The following TESC variants were observed in gnomAD, a reference collection of about 807,000 sequenced individuals.
The protein encoded by TESC is calcineurin B homologous protein 3.
In TESC, 19 loss-of-function variants were observed where a neutral mutation model predicts 31.0. The observed-to-expected ratio is 0.61, with a 90% CI of 0.43 to 0.90. TESC has a LOEUF of 0.90. Among genes scored for constraint, TESC ranks in the 40% least tolerant of loss-of-function variants. The pLI, the probability that TESC is intolerant of heterozygous loss-of-function variation, is 0.00. For missense variants in TESC, 248 were observed against 303.8 expected (o/e 0.82, Z 1.36); for synonymous variants, 109 against 114.8 (o/e 0.95, Z 0.32).
intron 1 of TESC, among the ~76,000 whole-genome samples, chr12:117,086,557 C>G (rs1167099622): frequency 1.3e-5 from 2 of 151,948 alleles, no homozygotes; most frequent in South Asian, 4.2e-4. Flanking sequence ...CTCAGCCTCC[C>G]GAGTAGCTGG....
chr12:117,065,986 C>T (rs1393257506), intron 2 of TESC, among the ~76,000 whole-genome samples: 1 of 152,106 alleles, frequency 6.6e-6, no homozygotes, highest in Non-Finnish European at 1.5e-5. Context: ...GGCAAACCCT[C>T]TGTGATCTGC....
Position 117,041,623 on chromosome 12 carries a change from G to A in TESC, c.567+324C>T, listed in dbSNP as rs139680811. ...GCTGGGATTACAGGCATGAGCCACCGCGCCCAGCCTACAACGGGGGTTACT... is the reference window on the plus strand; with the variant it reads ...GCTGGGATTACAGGCATGAGCCACCACGCCCAGCCTACAACGGGGGTTACT... On this transcript the variant is annotated intron_variant, in intron 7 of 7. Coordinates refer to ENST00000335209, the MANE Select transcript of TESC (RefSeq NM_017899.4). Among the ~76,000 whole-genome samples the A allele has an allele frequency of 3.5e-3, 527 of 152,312 alleles. 4 individuals carry two copies. Among genetic ancestry groups the A allele is most frequent in the Middle Eastern group, 6.8e-3 (2 of 294 alleles).
At chr12:117,059,980 A>T (rs1370842189) in intron 2 of TESC, among the ~76,000 whole-genome samples, 1 of 152,196 alleles carries the variant, frequency 6.6e-6, no homozygotes, top group African/African-American at 2.4e-5. Flanking sequence ...ATGGTGTACG[A>T]TGCCATTTAT....
chr12:117,075,367 A>C, intron 1 of TESC, 27 bp from the exon 2 acceptor site: 1 of 1,601,858 alleles, frequency 6.2e-7, no homozygotes, highest in Non-Finnish European at 8.5e-7. Context: ...AGAGAGAAAA[A>C]CAAGACAGAA....
At chr12:117,076,477 C>T (rs1266216442) in intron 1 of TESC, among the ~76,000 whole-genome samples, 2 of 152,340 alleles carry the variant, frequency 1.3e-5, no homozygotes, top group African/African-American at 2.4e-5. Context: ...CAGAGTCACA[C>T]TCTGTCGCCC....
At position 117,071,793 on chromosome 12, in the gene TESC, G is replaced by T. The variant is rs139732744; in HGVS notation, c.128+3478C>A. Among the ~76,000 whole-genome samples the T allele has an allele frequency of 1.4e-4, 21 of 152,242 alleles. No homozygotes were observed. In the East Asian group the frequency reaches 3.9e-3, roughly 28 times the overall value. On this transcript the variant is annotated intron_variant, in intron 2 of 7. Coordinates refer to ENST00000335209, the MANE Select transcript of TESC (RefSeq NM_017899.4). ...GAGGCCTGGGAGGTAGGAGTCCGGC[G>T]CCATCAGCACAGAGAGGCCGCGCCA...
chr12:117,092,235 G>A (rs868589526), intron 1 of TESC, among the ~76,000 whole-genome samples: 28 of 152,234 alleles, frequency 1.8e-4, no homozygotes, highest in Admixed American at 3.3e-4. Context: ...ACACAGCCTG[G>A]ATGAGACATC....
chr12:117,063,779 G>A (rs890162092), intron 2 of TESC, among the ~76,000 whole-genome samples: 2 of 152,104 alleles, frequency 1.3e-5, no homozygotes, highest in African/African-American at 4.8e-5. Flanking sequence ...AGCATGTGGT[G>A]TCCCCCACAG....
At position 117,056,809 on chromosome 12, in the gene TESC, T is replaced by A. The variant is rs777050049; in HGVS notation, c.206A>T (p.Asn69Ile). Residue 69 changes from asparagine (N) to isoleucine (I), a missense_variant, in exon 3 of 8, where the codon AAC becomes ATC. Coordinates refer to ENST00000335209, the MANE Select transcript of TESC (RefSeq NM_017899.4). ...TGGTTCAGGGGAAAACGCCCACCTG[T>A]TGTCGAAGAAGGCACGAACAATTTT... ...RSKIVRAFFD[N>I]RNLRKGPSGL... The A allele has an allele frequency of 1.2e-6, 2 of 1,614,138 alleles. No individual in the cohort carries two copies. The highest frequency in any genetic ancestry group is 1.7e-6 in the Non-Finnish European group (2 of 1,179,990).
chr12:117,075,233 T>C (rs759791488), intron 2 of TESC, 38 bp downstream of exon 2: 15 of 1,606,126 alleles, frequency 9.3e-6, no homozygotes, highest in Middle Eastern at 1.7e-4. Context: ...TGCAAGGGCA[T>C]GGCCCCACCC....
intron 2 of TESC, among the ~76,000 whole-genome samples, chr12:117,057,108 C>A (rs1954737224): frequency 6.6e-6 from 1 of 151,984 alleles, no homozygotes; most frequent in Admixed American, 6.6e-5. Flanking sequence ...GCTCAAGATA[C>A]TTTTCTTTTT....
intron 6 of TESC, among the ~76,000 whole-genome samples, chr12:117,044,425 C>G (rs779159604): frequency 2.0e-5 from 3 of 152,200 alleles, no homozygotes; most frequent in Non-Finnish European, 4.4e-5. Flanking sequence ...GGTTCCCAGG[C>G]TGGCCAAGGG....
chr12:117,092,356 G>A (rs1026948560), intron 1 of TESC, among the ~76,000 whole-genome samples: 2 of 152,216 alleles, frequency 1.3e-5, no homozygotes, highest in Non-Finnish European at 2.9e-5. Context: ...TGGGGCCCAG[G>A]TGAACAGAAT....
intron 2 of TESC, among the ~76,000 whole-genome samples, chr12:117,068,485 C>T (rs1357128378): frequency 6.6e-6 from 1 of 152,102 alleles, no homozygotes; most frequent in Non-Finnish European, 1.5e-5. Context: ...GCCAAGATCG[C>T]GCCACAGCAC....
intron 1 of TESC, among the ~76,000 whole-genome samples, chr12:117,096,408 C>T (rs536449744): frequency 3.3e-5 from 5 of 152,282 alleles, no homozygotes; most frequent in Admixed American, 2.6e-4. Flanking sequence ...CCGATCGTCT[C>T]GCACGTAACC....
intron 6 of TESC, among the ~76,000 whole-genome samples, chr12:117,042,574 AG>A (rs3830406): frequency 0.38 from 58,518 of 152,026 alleles, 11,966 homozygotes; most frequent in African/African-American, 0.51. Flanking sequence ...GCCACTGGGG[AG>A]GGCAGGGCCA....
rs200823726 is a variant in TESC, at chr12:117,046,817, G to A, written c.371C>T (p.Ser124Leu). ...CAGAGTGATGCGGCCGTCGCTGTCCGAGTCGTACATGTGGAACAGAACTAG... is the reference window on the plus strand; with the variant it reads ...CAGAGTGATGCGGCCGTCGCTGTCCAAGTCGTACATGTGGAACAGAACTAG... ...KLRFLFHMYD[S>L]DSDGRITLEE... Residue 124 changes from serine (S) to leucine (L), a missense_variant, in exon 5 of 8, where the codon TCG (serine) becomes TTG (leucine). Transcript: ENST00000335209. 4 of 1,572,302 alleles carry A rather than the reference G, an allele frequency of 2.5e-6. No individual in the cohort carries two copies. The highest frequency in any genetic ancestry group is 2.3e-5 in the East Asian group (1 of 43,060).
intron 6 of TESC, among the ~76,000 whole-genome samples, chr12:117,044,494 G>A (rs888116690): frequency 1.3e-5 from 2 of 152,158 alleles, no homozygotes; most frequent in Non-Finnish European, 2.9e-5. Flanking sequence ...GGGGGTGATC[G>A]GTGCAAGGAA....
Position 117,082,557 on chromosome 12 carries a change from T to C in TESC, c.59-7217A>G, listed in dbSNP as rs12322012. 6.7e-3 allele frequency among the ~76,000 whole-genome samples: 1,013 copies of C among 151,584 alleles called. 12 individuals are homozygous for C. The highest frequency in any genetic ancestry group is 0.023 in the African/African-American group (969 of 41,322). Reference sequence around the variant, plus strand: ...ACTGAGCCACAGAAAATGAGACAGATGAGTCCTGGTACATCCTGAAGTCAG... The same window carrying C: ...ACTGAGCCACAGAAAATGAGACAGACGAGTCCTGGTACATCCTGAAGTCAG... On this transcript the variant is annotated intron_variant, in intron 1 of 7. Coordinates refer to ENST00000335209, the MANE Select transcript of TESC (RefSeq NM_017899.4).
Sources: gnomAD v4.1 joint callset for allele counts (sites outside exome capture counted in the v4.1 genomes callset) on GRCh38, gnomAD v4.1.1 for gene constraint, MANE v1.5 for transcripts, NCBI Gene and HGNC (gene_info 2026-07-23, HGNC 2026-07-21) for gene names.